UMAD1: variants seen among roughly 807,000 people sequenced by gnomAD.
UMAD1 encodes the protein UBAP1-MVB12-associated (UMA)-domain containing protein 1.
UMAD1 carries 8 observed loss-of-function variants against 6.1 expected under a neutral mutation model. The observed-to-expected ratio is 1.30, with a 90% confidence interval of 0.76 to 2.35. The LOEUF is 2.35. Ranked by LOEUF, UMAD1 falls within the 30% of genes most tolerant of loss-of-function variation. UMAD1 has a pLI of 0.00. For missense variants in UMAD1, 130 were observed against 78.4 expected (o/e 1.66, Z -2.49); for synonymous variants, 56 against 31.4 (o/e 1.78, Z -2.61).
intron 3 of UMAD1, among the ~76,000 whole-genome samples, chr7:7,841,520 TCTTCAA>T (rs1783681913): frequency 6.6e-6 from 1 of 152,054 alleles, no homozygotes; most frequent in African/African-American, 2.4e-5. Context: ...CTCAGGCAGG[TCTTCAA>T]CTCCTGGGCT....
chr7:7,684,843 T>A (rs1780004049), intron 2 of UMAD1, among the ~76,000 whole-genome samples: 1 of 152,180 alleles, frequency 6.6e-6, no homozygotes. Context: ...ATACAACTAT[T>A]TGGGGGTAGT....
At chr7:7,756,338 T>G (rs1319446128) in intron 2 of UMAD1, among the ~76,000 whole-genome samples, 5 of 152,212 alleles carry the variant, frequency 3.3e-5, no homozygotes, top group African/African-American at 1.2e-4. Context: ...GGTTCTGAAC[T>G]GAGTATTGTT....
intron 1 of UMAD1, among the ~76,000 whole-genome samples, chr7:7,656,187 A>G (rs1028000863): frequency 2.0e-5 from 3 of 152,116 alleles, no homozygotes; most frequent in African/African-American, 7.2e-5. Context: ...ATTCTTCTGT[A>G]TACACCATTG....
At chr7:7,795,195 T>A (rs75140214) in intron 2 of UMAD1, among the ~76,000 whole-genome samples, 1 of 152,234 alleles carries the variant, frequency 6.6e-6, no homozygotes, top group Admixed American at 6.5e-5. Flanking sequence ...GCACACTTTC[T>A]CAGGACCTCC....
At chr7:7,754,046 G>A (rs571482497) in intron 2 of UMAD1, among the ~76,000 whole-genome samples, 8 of 152,084 alleles carry the variant, frequency 5.3e-5, no homozygotes, top group African/African-American at 9.7e-5. Flanking sequence ...TTAGCTGAGC[G>A]TGGTGGCGGG....
chr7:7,761,102 C>G (rs1017428380), intron 2 of UMAD1, among the ~76,000 whole-genome samples: 1 of 152,104 alleles, frequency 6.6e-6, no homozygotes, highest in Non-Finnish European at 1.5e-5. Flanking sequence ...CGGTGGCTGA[C>G]GCCTGTAATC....
intron 3 of UMAD1, among the ~76,000 whole-genome samples, chr7:7,822,809 T>G (rs370147253): frequency 9.2e-5 from 14 of 152,148 alleles, no homozygotes; most frequent in East Asian, 5.8e-4. Flanking sequence ...TTAGTAAGAC[T>G]TCTATGAAGA....
chr7:7,708,118 A>G (rs1780651962), intron 2 of UMAD1, among the ~76,000 whole-genome samples: 1 of 152,094 alleles, frequency 6.6e-6, no homozygotes, highest in African/African-American at 2.4e-5. Context: ...CCTTATTCAA[A>G]TTTGGATCAT....
chr7:7,701,549 AT>A (rs1432445853), intron 2 of UMAD1, among the ~76,000 whole-genome samples: 1 of 152,060 alleles, frequency 6.6e-6, no homozygotes, highest in Non-Finnish European at 1.5e-5. Flanking sequence ...ATGAAGTAGT[AT>A]TTTTCTGAAC....
intron 2 of UMAD1, chr7:7,715,328 G>A (rs1780873759): frequency 8.3e-6 from 1 of 121,200 alleles, no homozygotes; most frequent in South Asian, 2.6e-4. Flanking sequence ...AGTAGCAGAA[G>A]AGTTGACCAT....
At chr7:7,662,270 C>T (rs1785493314) in intron 1 of UMAD1, among the ~76,000 whole-genome samples, 1 of 152,162 alleles carries the variant, frequency 6.6e-6, no homozygotes, top group Admixed American at 6.5e-5. Context: ...ATCCACTGAG[C>T]TAGACCACTT....
At chr7:7,856,949 T>TA (rs1784030387) in intron 3 of UMAD1, among the ~76,000 whole-genome samples, 1 of 152,220 alleles carries the variant, frequency 6.6e-6, no homozygotes, top group African/African-American at 2.4e-5. Flanking sequence ...ACTCAGAATT[T>TA]AAAAAATTTT....
chr7:7,803,905 A>G (rs1179700993), intron 3 of UMAD1, among the ~76,000 whole-genome samples: 4 of 152,200 alleles, frequency 2.6e-5, no homozygotes, highest in African/African-American at 9.7e-5. Flanking sequence ...TAGTTATGTG[A>G]TTCATTGGAA....
rs867512050 is a variant in UMAD1, at chr7:7,827,561, C to A, written c.156+25818C>A. On this transcript the variant is annotated intron_variant, in intron 3 of 3. Coordinates refer to ENST00000682710, the MANE Select transcript of UMAD1 (RefSeq NM_001302348.2). ...GGAAATTTTATGCCAATATCATATA[C>A]GTAAAGCTGATTTTACTTACCAACT... Among the ~76,000 whole-genome samples, 49 of 152,100 alleles carry A rather than the reference C, an allele frequency of 3.2e-4. No homozygotes were observed. The Middle Eastern group carries it at 0.01, about 32-fold the overall frequency.
intron 3 of UMAD1, among the ~76,000 whole-genome samples, chr7:7,851,128 C>A (rs10268550): frequency 0.5 from 75,697 of 151,956 alleles, 20,267 homozygotes; most frequent in African/African-American, 0.69. Flanking sequence ...CCTATTCTGA[C>A]TGGTTCATAC....
At chr7:7,748,103 A>ATTTTTTTTTTTTTTTTTTTTTT (rs35368211) in intron 2 of UMAD1, among the ~76,000 whole-genome samples, 1 of 140,162 alleles carries the variant, frequency 7.1e-6, no homozygotes, top group African/African-American at 2.8e-5. Context: ...CGCCCAGCTA[A>ATTTTTTTTTTTTTTTTTTTTTT]TTTTTTTTTT....
At chr7:7,655,546 C>G (rs1465378777) in intron 1 of UMAD1, among the ~76,000 whole-genome samples, 1 of 152,170 alleles carries the variant, frequency 6.6e-6, no homozygotes, top group Non-Finnish European at 1.5e-5. Context: ...CTTCCAACTT[C>G]CTAAGTATTT....
intron 2 of UMAD1, among the ~76,000 whole-genome samples, chr7:7,759,103 G>A (rs6463716): frequency 0.28 from 42,310 of 151,960 alleles, 7,061 homozygotes; most frequent in African/African-American, 0.47. Flanking sequence ...TGTTGTTTGT[G>A]TTACCTCACA....
intron 2 of UMAD1, chr7:7,692,465 G>A (rs1780194522): frequency 6.6e-6 from 1 of 152,178 alleles, no homozygotes; most frequent in Admixed American, 6.5e-5. Flanking sequence ...CTGCCTCTAA[G>A]CTGGTGGAAA....
Sources: allele counts gnomAD v4.1 joint callset (sites outside exome capture counted in the v4.1 genomes callset), GRCh38; gene constraint gnomAD v4.1.1; transcripts MANE v1.5; gene names NCBI Gene and HGNC (gene_info 2026-07-23, HGNC 2026-07-21).